TLN2: variants seen among roughly 807,000 people sequenced by gnomAD.
TLN2 encodes the protein talin 2, also known as talin-2.
A neutral mutation model predicts 294.7 loss-of-function variants in TLN2; 118 were observed. The ratio of observed to expected loss-of-function variants is 0.40; its 90% confidence interval spans 0.34 to 0.47. The LOEUF (loss-of-function observed/expected upper bound fraction) is 0.47. TLN2 is among the 20% of genes least tolerant of loss of function. TLN2 has a pLI of 0.84. For synonymous variants in TLN2, 1,431 were observed against 1,304.5 expected (o/e 1.10, Z -2.09); for missense variants, 3,083 against 3,282.2 (o/e 0.94, Z 1.48).
chr15:62,788,548 A>C (rs2064857881), intron 45 of TLN2, among the ~76,000 whole-genome samples: 1 of 152,180 alleles, frequency 6.6e-6, no homozygotes, highest in Non-Finnish European at 1.5e-5. Context: ...TGAGATAACA[A>C]TCTTTTTTTC....
intron 1 of TLN2, among the ~76,000 whole-genome samples, chr15:62,468,753 A>AT (rs201347623): frequency 0.064 from 7,311 of 114,308 alleles, 296 homozygotes; most frequent in Admixed American, 0.11. Context: ...TCAAAAAAAA[A>AT]ATAAAAATAA....
chr15:62,406,942 A>T (rs772421099), intron 1 of TLN2, among the ~76,000 whole-genome samples: 4 of 152,200 alleles, frequency 2.6e-5, no homozygotes, highest in Non-Finnish European at 4.4e-5. Context: ...GTTTTAGAAT[A>T]TTGGACTTTA....
intron 14 of TLN2, among the ~76,000 whole-genome samples, chr15:62,696,204 A>T (rs1037433461): frequency 6.6e-6 from 1 of 152,160 alleles, no homozygotes; most frequent in Non-Finnish European, 1.5e-5. Context: ...GCTCTGGGCA[A>T]CAGGGTGCGA....
At chr15:62,670,737 TG>T (rs2055300964) in intron 9 of TLN2, among the ~76,000 whole-genome samples, 1 of 152,252 alleles carries the variant, frequency 6.6e-6, no homozygotes, top group Admixed American at 6.5e-5. Flanking sequence ...TATCATCTTT[TG>T]GCTATCATTA....
intron 1 of TLN2, among the ~76,000 whole-genome samples, chr15:62,519,095 G>A (rs2040329893): frequency 6.6e-6 from 1 of 152,154 alleles, no homozygotes; most frequent in Admixed American, 6.5e-5. Context: ...TAAGCAACTT[G>A]CCCAGGGTCA....
At chr15:62,677,729 CTT>C (rs1235452253) in intron 11 of TLN2, among the ~76,000 whole-genome samples, 1 of 144,260 alleles carries the variant, frequency 6.9e-6, no homozygotes, top group Non-Finnish European at 1.5e-5. Flanking sequence ...TCTTTCCCTT[CTT>C]TCTCTTTATT....
At chr15:62,545,190 G>A (rs147133347) in intron 1 of TLN2, among the ~76,000 whole-genome samples, 2,375 of 151,874 alleles carry the variant, frequency 0.016, 27 homozygotes, top group Non-Finnish European at 0.025. Flanking sequence ...TGCCCACCTC[G>A]GCCTTCCGGA....
At chr15:62,572,083 A>G (rs1026081523) in intron 1 of TLN2, among the ~76,000 whole-genome samples, 3 of 152,040 alleles carry the variant, frequency 2.0e-5, no homozygotes, top group Non-Finnish European at 4.4e-5. Flanking sequence ...CTTTTCCTCT[A>G]ATTCCCTGTT....
At chr15:62,677,491 GA>G (rs1348478740) in intron 11 of TLN2, among the ~76,000 whole-genome samples, 4 of 152,066 alleles carry the variant, frequency 2.6e-5, no homozygotes, top group Non-Finnish European at 5.9e-5. Flanking sequence ...CCAAATTGTA[GA>G]AAAAATAAAT....
intron 54 of TLN2, among the ~76,000 whole-genome samples, chr15:62,825,802 T>C (rs1185009978): frequency 0.029 from 123 of 4,220 alleles, 18 homozygotes; most frequent in African/African-American, 0.044. Context: ...TAATATATAT[T>C]ATATATTATA....
intron 22 of TLN2, among the ~76,000 whole-genome samples, chr15:62,714,868 C>T (rs980639342): frequency 2.6e-5 from 4 of 152,148 alleles, no homozygotes; most frequent in African/African-American, 9.7e-5. Flanking sequence ...AGCAAGGACC[C>T]AAAGCATCCA....
chr15:62,613,815 A>G (rs2048101390), intron 2 of TLN2, among the ~76,000 whole-genome samples: 1 of 152,020 alleles, frequency 6.6e-6, no homozygotes, highest in Admixed American at 6.6e-5. Flanking sequence ...AAGAGGGATC[A>G]ATCTCAAAAT....
At chr15:62,582,195 TACACACAC>T (rs67748452) in intron 1 of TLN2, among the ~76,000 whole-genome samples, 1,672 of 66,458 alleles carry the variant, frequency 0.025, 39 homozygotes, top group African/African-American at 0.045. Flanking sequence ...TGTGTATGCA[TACACACAC>T]ACACACACAC....
intron 25 of TLN2, 142 bp downstream of exon 25, chr15:62,720,022 T>G: frequency 3.6e-6 from 2 of 556,800 alleles, no homozygotes; most frequent in Non-Finnish European, 5.7e-6. Context: ...TTCTTTACCT[T>G]TCCAGTTTCA....
At position 62,753,828 on chromosome 15, in the gene TLN2, T is replaced by C; in HGVS notation, c.4388T>C (p.Leu1463Pro). The change falls in exon 36 of 59, where the codon CTG becomes CCG. Residue 1463 changes from leucine to proline, a missense_variant. Physicochemically the swap from Leu to Pro is moderately conservative, Grantham distance 98. Coordinates refer to ENST00000636159, the MANE Select transcript of TLN2 (RefSeq NM_015059.3). ...AACAGCCAGGCAGGCCACCAGGGCCTGGTGGACCCCATCCAGTTTGCCAGG... is the reference window on the plus strand; with the variant it reads ...AACAGCCAGGCAGGCCACCAGGGCCCGGTGGACCCCATCCAGTTTGCCAGG... ...DPNSQAGHQGLVDPIQFARAN... is the reference protein window; with the variant it reads ...DPNSQAGHQGPVDPIQFARAN... 6.2e-7 allele frequency: 1 copy of C among 1,612,570 alleles called. No homozygotes were observed.
In TLN2 at chr15:62,519,067, A is replaced by C. The variant is rs139711129; in HGVS notation, c.-237-70620A>C. 2.5e-3 allele frequency among the ~76,000 whole-genome samples: 380 copies of C among 152,338 alleles called. 1 individual carries two copies. Among genetic ancestry groups the C allele is most frequent in the African/African-American group, 8.5e-3 (353 of 41,576 alleles). On this transcript the variant is annotated intron_variant, in intron 1 of 58. Transcript: ENST00000636159. ...ATTGTTCTTATTTTATGGATAAAGA[A>C]ACTGAAGTTTAAGTGGTTAAGCAAC...
intron 1 of TLN2, among the ~76,000 whole-genome samples, chr15:62,457,875 G>T (rs2036570357): frequency 6.6e-6 from 1 of 152,204 alleles, no homozygotes; most frequent in South Asian, 2.1e-4. Context: ...TGAGCACCTA[G>T]AATGGATTCC....
intron 8 of TLN2, 108 bp downstream of exon 8, chr15:62,656,194 C>A: frequency 7.0e-7 from 1 of 1,424,804 alleles, no homozygotes; most frequent in Non-Finnish European, 9.6e-7. Flanking sequence ...ACATTTATGG[C>A]GTCGTTTCCA....
intron 52 of TLN2, among the ~76,000 whole-genome samples, chr15:62,813,275 T>C (rs528096360): frequency 1.3e-5 from 2 of 152,348 alleles, no homozygotes; most frequent in South Asian, 4.1e-4. Flanking sequence ...ATATATCTGT[T>C]AAAAGCCTGC....
Sources: allele counts gnomAD v4.1 joint callset (sites outside exome capture counted in the v4.1 genomes callset), GRCh38; gene constraint gnomAD v4.1.1; transcripts MANE v1.5; gene names NCBI Gene and HGNC (gene_info 2026-07-23, HGNC 2026-07-21).